The following MYO3B variants were observed in gnomAD, a reference collection of about 807,000 sequenced individuals.
The protein encoded by MYO3B is myosin-IIIb.
A neutral mutation model predicts 174.6 loss-of-function variants in MYO3B; 156 were observed. The ratio of observed to expected loss-of-function variants is 0.89; its 90% CI spans 0.78 to 1.02. The LOEUF is 1.02. Ranked by LOEUF, MYO3B falls within the 50% of genes least tolerant of loss-of-function variation. The probability of loss-of-function intolerance (pLI) is 0.00; values close to 1 mark genes in which losing one functional copy is unlikely to be tolerated. For synonymous variants in MYO3B, 563 were observed against 569.1 expected, an observed-to-expected ratio of 0.99 and a Z score of 0.15; for missense variants, 1,632 against 1,639.4, an observed-to-expected ratio of 1.00 and a Z score of 0.08.
At chr2:170,203,224 A>G (rs2092680851) in intron 3 of MYO3B, among the ~76,000 whole-genome samples, 1 of 152,210 alleles carries the variant, frequency 6.6e-6, no homozygotes, top group African/African-American at 2.4e-5. Flanking sequence ...GCTCAGAAAA[A>G]ATACCTAACA....
intron 7 of MYO3B, among the ~76,000 whole-genome samples, chr2:170,252,557 G>A (rs1310232647): frequency 6.6e-6 from 1 of 152,140 alleles, no homozygotes; most frequent in South Asian, 2.1e-4. Flanking sequence ...CTATGGTCAG[G>A]AACTGTATCA....
chr2:170,243,384 G>C (rs1473780903), intron 7 of MYO3B, among the ~76,000 whole-genome samples: 1 of 152,178 alleles, frequency 6.6e-6, no homozygotes, highest in East Asian at 1.9e-4. Context: ...ATTGGTGACA[G>C]GGTTCTAAGC....
Position 170,231,528 on chromosome 2 carries a change from G to A in MYO3B, c.604-4463G>A, listed in dbSNP as rs73975584. On this transcript the variant is annotated intron_variant, in intron 6 of 34. Coordinates refer to ENST00000408978, the MANE Select transcript of MYO3B (RefSeq NM_138995.5). ...AGTGTTTTTCTTCTTCCTAAAATAA[G>A]CAGCAGTGTAGTCTAACTGTACCAG... 5.7e-3 allele frequency among the ~76,000 whole-genome samples: 863 copies of A among 152,284 alleles called. 5 individuals are homozygous for A. Among genetic ancestry groups the A allele is most frequent in the African/African-American group, 0.02 (813 of 41,546 alleles).
At chr2:170,338,153 G>A (rs2093957314) in intron 8 of MYO3B, 2 of 152,162 alleles carry the variant, frequency 1.3e-5, no homozygotes, top group African/African-American at 4.8e-5. Flanking sequence ...AGTTGCAAAA[G>A]GTCTTGAATA....
chr2:170,383,125 C>G lies in MYO3B; in HGVS notation c.1121C>G (p.Thr374Arg), dbSNP rs1351176063. The G allele has an allele frequency of 1.2e-6, 2 of 1,613,180 alleles. No individual in the cohort carries two copies. The highest frequency in any genetic ancestry group is 2.7e-5 in the African/African-American group (2 of 74,870). ...CGTTATGCAGACTTGCTAATTTACA[C>G]ATATGTTGGAGACATCTTAATTGCC... ...QKRYADLLIY[T>R]YVGDILIALN... The change falls in exon 11 of 35, where the codon ACA becomes AGA. Residue 374 changes from threonine to arginine, a missense_variant. By Grantham distance (71) the Thr-to-Arg change is moderately conservative. Coordinates refer to ENST00000408978, the MANE Select transcript of MYO3B (RefSeq NM_138995.5).
At chr2:170,401,248 C>T (rs1305190291) in intron 17 of MYO3B, among the ~76,000 whole-genome samples, 1 of 152,054 alleles carries the variant, frequency 6.6e-6, no homozygotes, top group Non-Finnish European at 1.5e-5. Context: ...CAAAAGACCA[C>T]CTCCTCTTCC....
chr2:170,638,880 AAT>A (rs1697740956), intron 32 of MYO3B, among the ~76,000 whole-genome samples: 1 of 152,196 alleles, frequency 6.6e-6, no homozygotes, highest in Admixed American at 6.5e-5. Flanking sequence ...GTCACATACC[AAT>A]ATGTGTCACA....
chr2:170,479,405 A>G (rs1685535546), intron 25 of MYO3B, among the ~76,000 whole-genome samples: 1 of 146,618 alleles, frequency 6.8e-6, no homozygotes, highest in East Asian at 2.0e-4. Flanking sequence ...TTATATATCT[A>G]TTATATAGAT....
At chr2:170,357,211 G>A (rs556035611) in intron 8 of MYO3B, among the ~76,000 whole-genome samples, 34 of 151,836 alleles carry the variant, frequency 2.2e-4, no homozygotes, top group African/African-American at 8.2e-4. Context: ...GGAAGCTGAG[G>A]CAGGAGAATC....
chr2:170,278,584 T>C (rs1035600933), intron 7 of MYO3B, among the ~76,000 whole-genome samples: 7 of 152,168 alleles, frequency 4.6e-5, no homozygotes, highest in South Asian at 4.1e-4. Flanking sequence ...TCTGCCCTCA[T>C]GTGCCTTATA....
chr2:170,562,982 T>C (rs1420687656), intron 32 of MYO3B, among the ~76,000 whole-genome samples: 1 of 151,272 alleles, frequency 6.6e-6, no homozygotes, highest in Admixed American at 6.6e-5. Context: ...TACTTCCCCA[T>C]GCAGATAAAC....
At chr2:170,320,400 G>A (rs976927507) in intron 7 of MYO3B, among the ~76,000 whole-genome samples, 3 of 152,124 alleles carry the variant, frequency 2.0e-5, no homozygotes, top group African/African-American at 7.2e-5. Context: ...GTGGCATCAC[G>A]TTCATAAAGC....
intron 20 of MYO3B, 27 bp downstream of exon 20, chr2:170,404,427 A>C: frequency 6.3e-7 from 1 of 1,584,042 alleles, no homozygotes; most frequent in Non-Finnish European, 8.6e-7. Context: ...AAACAGGCAT[A>C]TACATTTAGA....
intron 32 of MYO3B, among the ~76,000 whole-genome samples, chr2:170,557,960 G>C (rs1160970671): frequency 6.6e-6 from 1 of 151,894 alleles, no homozygotes. Context: ...TTTTGGTTTT[G>C]CCTTTTAAAA....
At chr2:170,500,910 TACAC>T (rs10533072) in intron 27 of MYO3B, among the ~76,000 whole-genome samples, 94,321 of 151,826 alleles carry the variant, frequency 0.62, 30,291 homozygotes, top group South Asian at 0.81. Context: ...TTATTAGTGT[TACAC>T]ACAACATTTA....
At chr2:170,565,059 C>G (rs1270508046) in intron 32 of MYO3B, among the ~76,000 whole-genome samples, 1 of 152,100 alleles carries the variant, frequency 6.6e-6, no homozygotes, top group Non-Finnish European at 1.5e-5. Flanking sequence ...AAGGGCAGTT[C>G]ATAAAAGGAG....
chr2:170,303,969 G>T (rs1203685532), intron 7 of MYO3B, among the ~76,000 whole-genome samples: 1 of 152,004 alleles, frequency 6.6e-6, no homozygotes, highest in Non-Finnish European at 1.5e-5. Flanking sequence ...CTTTTAAAAT[G>T]GCTGTGTTGT....
At chr2:170,602,031 C>T (rs1292916114) in intron 32 of MYO3B, 1 of 908,082 alleles carries the variant, frequency 1.1e-6, no homozygotes, top group African/African-American at 1.6e-5. Context: ...GGTCTTTGTC[C>T]ACCTTTGCCA....
At chr2:170,583,013 C>T (rs904569081) in intron 32 of MYO3B, among the ~76,000 whole-genome samples, 2 of 152,002 alleles carry the variant, frequency 1.3e-5, no homozygotes, top group Admixed American at 1.3e-4. Flanking sequence ...TGACAGCTCC[C>T]CCTGCCCTGG....
Sources: gnomAD v4.1 joint callset for allele counts (sites outside exome capture counted in the v4.1 genomes callset) on GRCh38, gnomAD v4.1.1 for gene constraint, MANE v1.5 for transcripts, NCBI Gene and HGNC (gene_info 2026-07-23, HGNC 2026-07-21) for gene names.